Variants in UBE2E1 observed in about 807,000 individuals in gnomAD.
The protein encoded by UBE2E1 is ubiquitin-conjugating enzyme E2 E1.
UBE2E1 carries 6 observed loss-of-function variants against 21.4 expected under a neutral mutation model. The observed-to-expected ratio is 0.28, with a 90% CI of 0.15 to 0.55. The LOEUF is 0.55. Among genes scored for constraint, UBE2E1 ranks in the 20% least tolerant of loss-of-function variants. The pLI is 0.93. For missense variants in UBE2E1, 142 were observed against 236.5 expected (o/e 0.60, Z 2.62); for synonymous variants, 87 against 82.7 (o/e 1.05, Z -0.28).
chr3:23,848,523 T>C (rs1700257800), intron 3 of UBE2E1, among the ~76,000 whole-genome samples: 1 of 151,136 alleles, frequency 6.6e-6, no homozygotes, highest in African/African-American at 2.4e-5. Flanking sequence ...ACTTAGTAAA[T>C]GTTAGTTTCC....
intron 3 of UBE2E1, among the ~76,000 whole-genome samples, chr3:23,837,658 A>G (rs1447440888): frequency 6.6e-6 from 1 of 152,252 alleles, no homozygotes; most frequent in East Asian, 1.9e-4. Context: ...TGCATTTTAT[A>G]AAGCGTTGGA....
In UBE2E1 at chr3:23,836,525, A is replaced by G. The variant is rs1048638859; in HGVS notation, c.203+25015A>G. Reference sequence around the variant, plus strand: ...TGTGTTCCTCTGAAAACTGCAAGGTATTTCAGTGAGGCAGCTCTTTTGTTC... The same window carrying G: ...TGTGTTCCTCTGAAAACTGCAAGGTGTTTCAGTGAGGCAGCTCTTTTGTTC... On this transcript the variant is annotated intron_variant, in intron 3 of 5. Coordinates refer to ENST00000306627, the MANE Select transcript of UBE2E1 (RefSeq NM_003341.5). The surrounding 1 kb of genome is among the most constrained non-coding windows in gnomAD (Gnocchi z 4.1). 2.0e-5 allele frequency among the ~76,000 whole-genome samples: 3 copies of G among 152,148 alleles called. No homozygotes were observed. Among genetic ancestry groups the G allele is most frequent in the Non-Finnish European group, 4.4e-5 (3 of 68,008 alleles).
At chr3:23,825,881 A>G (rs185618640) in intron 3 of UBE2E1, among the ~76,000 whole-genome samples, 6 of 152,190 alleles carry the variant, frequency 3.9e-5, no homozygotes, top group Admixed American at 6.5e-5. Flanking sequence ...TTTCCTACTC[A>G]TGAAAAGAGA....
intron 3 of UBE2E1, among the ~76,000 whole-genome samples, chr3:23,845,832 T>C (rs372411818): frequency 6.6e-6 from 1 of 152,226 alleles, no homozygotes; most frequent in African/African-American, 2.4e-5. Context: ...AATACAGCTT[T>C]ATTACGGACA....
chr3:23,854,704 T>C (rs1395375737), intron 3 of UBE2E1, among the ~76,000 whole-genome samples: 1 of 152,210 alleles, frequency 6.6e-6, no homozygotes, highest in Non-Finnish European at 1.5e-5. Flanking sequence ...AAAAGGACAA[T>C]AACTTTTGTG....
chr3:23,810,010 G>A lies in UBE2E1; in HGVS notation c.153-1450G>A, dbSNP rs1034532721. ...GACAGGAAATGTCCTCCAGTAGGAA[G>A]GTTTATAGAACCTCCCCCAGTCGTC... On this transcript the variant is annotated intron_variant, in intron 2 of 5. Transcript: ENST00000306627. This position sits in a 1 kb window ranked among gnomAD's most constrained non-coding sequence, Gnocchi z 5.8. Among the ~76,000 whole-genome samples the A allele has an allele frequency of 2.6e-5, 4 of 152,190 alleles. No individual in the cohort carries two copies. The highest frequency in any genetic ancestry group is 9.6e-5 in the African/African-American group (4 of 41,458).
In UBE2E1 at chr3:23,842,198, G is replaced by GGTGTGTGTGTGT. The variant is rs55941535; in HGVS notation, c.203+30728_203+30739dup. Among the ~76,000 whole-genome samples, 223 of 104,326 alleles carry GGTGTGTGTGTGT rather than the reference G, an allele frequency of 2.1e-3. 2 individuals carry two copies. The highest frequency in any genetic ancestry group is 4.2e-3 in the African/African-American group (117 of 27,688). The allele number at this position is 104,326 out of a possible 152,430, so 68.4% of individuals were successfully genotyped here. On this transcript the variant is annotated intron_variant, in intron 3 of 5. Coordinates refer to ENST00000306627, the MANE Select transcript of UBE2E1 (RefSeq NM_003341.5). This position sits in a 1 kb window ranked among gnomAD's most constrained non-coding sequence, Gnocchi z 4.6. ...TATGTCATGACCCAGTAAGTGAAGG[G>GGTGTGTGTGTGT]GTGTGTGTGTGTGTGTGTGTGTGTG... is the stretch of plus-strand genomic sequence containing the variant.
In UBE2E1 at chr3:23,887,584, A is replaced by G. The variant is rs757243328; in HGVS notation, c.221A>G (p.Asp74Gly). The G allele has an allele frequency of 2.5e-6, 4 of 1,611,538 alleles. No homozygotes were observed. Among genetic ancestry groups the G allele is most frequent in the East Asian group, 4.5e-5 (2 of 44,870 alleles). ...ATTCACAGTGCTGGTCCCAAAGGCG[A>G]TAACATCTATGAATGGAGATCAACC... ...PPNCSAGPKG[D>G]NIYEWRSTIL... The change falls in exon 4 of 6, where the codon GAT becomes GGT. Residue 74 changes from aspartate to glycine, a missense_variant. By Grantham distance (94) the Asp-to-Gly change is moderately conservative. Around this residue, in one of 2 missense-constraint regions of UBE2E1, gnomAD observed 87 missense variants for 184.9 expected, o/e 0.47. Coordinates refer to ENST00000306627, the MANE Select transcript of UBE2E1 (RefSeq NM_003341.5). This position sits in a 1 kb window ranked among gnomAD's most constrained non-coding sequence, Gnocchi z 4.4.
At chr3:23,856,994 T>C (rs1346046944) in intron 3 of UBE2E1, among the ~76,000 whole-genome samples, 1 of 89,334 alleles carries the variant, frequency 1.1e-5, no homozygotes, top group African/African-American at 4.5e-5. Context: ...AGAGCTAGGC[T>C]GTCTCTTAAA....
chr3:23,819,844 G>A (rs1483465144), intron 3 of UBE2E1, among the ~76,000 whole-genome samples: 1 of 152,184 alleles, frequency 6.6e-6, no homozygotes, highest in African/African-American at 2.4e-5. Flanking sequence ...AAAAAGATGT[G>A]ATCTCTGCTG....
At chr3:23,865,624 C>T (rs1044358039) in intron 3 of UBE2E1, among the ~76,000 whole-genome samples, 3 of 152,198 alleles carry the variant, frequency 2.0e-5, no homozygotes, top group South Asian at 2.1e-4. Context: ...AAAGTGCTGG[C>T]TCACACCTGT....
At chr3:23,807,069 G>C (rs1480420647) in intron 1 of UBE2E1, 168 bp from the exon 2 acceptor site, 1 of 503,136 alleles carries the variant, frequency 2.0e-6, no homozygotes, top group African/African-American at 2.0e-5. Context: ...AACAAGCCGC[G>C]TCCGATTTGC....
intron 3 of UBE2E1, among the ~76,000 whole-genome samples, chr3:23,830,341 C>T (rs193107138): frequency 9.5e-4 from 145 of 152,256 alleles, no homozygotes; most frequent in African/African-American, 3.3e-3. Flanking sequence ...TCTTGCCCTA[C>T]CCCCATCACA....
At chr3:23,888,399 A>G in intron 4 of UBE2E1, 1 of 349,048 alleles carries the variant, frequency 2.9e-6, no homozygotes, top group Non-Finnish European at 5.7e-6. Context: ...ATCGAAAGTC[A>G]CTTTTTTAAA....
chr3:23,848,564 T>C (rs1482993314), intron 3 of UBE2E1, among the ~76,000 whole-genome samples: 1 of 152,172 alleles, frequency 6.6e-6, no homozygotes, highest in Non-Finnish European at 1.5e-5. Flanking sequence ...TATGTCCTTA[T>C]GCTTAATAAG....
At position 23,863,777 on chromosome 3, in the gene UBE2E1, A is replaced by T. The variant is rs1700600502; in HGVS notation, c.204-23790A>T. On this transcript the variant is annotated intron_variant, in intron 3 of 5. Coordinates refer to ENST00000306627, the MANE Select transcript of UBE2E1 (RefSeq NM_003341.5). The surrounding 1 kb of genome is among the most constrained non-coding windows in gnomAD (Gnocchi z 4.3). ...ACTCCCGATCTCAGGTCATCCACCC[A>T]CCTCAGCCTCCCAAAGTGCTGGGAT... Among the ~76,000 whole-genome samples, 1 of 151,932 alleles carries T rather than the reference A, an allele frequency of 6.6e-6. No homozygotes were observed. Among genetic ancestry groups the T allele is most frequent in the African/African-American group, 2.4e-5 (1 of 41,342 alleles).
chr3:23,808,540 G>C lies in UBE2E1; in HGVS notation c.152+1119G>C, dbSNP rs73822591. ...AGTGAGCCTGGAAGTCAGGGTTTGA[G>C]AGTTTGTTCTGTCATTCTCCCTGAC... On this transcript the variant is annotated intron_variant, in intron 2 of 5. Transcript: ENST00000306627. This position sits in a 1 kb window ranked among gnomAD's most constrained non-coding sequence, Gnocchi z 4.9. 0.026 allele frequency among the ~76,000 whole-genome samples: 3,937 copies of C among 152,310 alleles called. 202 individuals carry two copies. The highest frequency in any genetic ancestry group is 0.09 in the African/African-American group (3,727 of 41,542).
chr3:23,843,427 T>C (rs1196047261), intron 3 of UBE2E1, among the ~76,000 whole-genome samples: 1 of 152,212 alleles, frequency 6.6e-6, no homozygotes, highest in African/African-American at 2.4e-5. Context: ...ATTTTCTCAG[T>C]TCTGAGTTTG....
At chr3:23,889,295 CCTTACCTG>C (rs1485164964) in intron 5 of UBE2E1, 36 bp downstream of exon 5, 2 of 1,612,536 alleles carry the variant, frequency 1.2e-6, no homozygotes, top group South Asian at 2.2e-5. Flanking sequence ...TTTTATTCTT[CCTTACCTG>C]AAAAATACTT....
Sources: gnomAD v4.1 joint callset for allele counts (sites outside exome capture counted in the v4.1 genomes callset) on GRCh38, gnomAD v4.1.1 for gene constraint, gnomAD v4.1.1 regional missense constraint, Gnocchi (gnomAD v3.1) non-coding constraint, MANE v1.5 for transcripts, NCBI Gene and HGNC (gene_info 2026-07-23, HGNC 2026-07-21) for gene names.